The following DLG2 variants were observed in gnomAD, a reference collection of about 807,000 sequenced individuals.
DLG2 encodes discs large MAGUK scaffold protein 2, also known as disks large homolog 2.
A neutral mutation model predicts 132.5 loss-of-function variants in DLG2; 45 were observed. The ratio of observed to expected loss-of-function variants is 0.34; its 90% CI spans 0.27 to 0.44. The LOEUF is 0.44. Among genes scored for constraint, DLG2 ranks in the 20% least tolerant of loss-of-function variants. The pLI is 1.00. For synonymous variants in DLG2, 424 were observed against 419.6 expected, an observed-to-expected ratio of 1.01 and a Z score of -0.13; for missense variants, 1,045 against 1,196.9, an observed-to-expected ratio of 0.87 and a Z score of 1.87.
At chr11:85,568,368 A>G (rs910960505) in intron 3 of DLG2, among the ~76,000 whole-genome samples, 1 of 152,108 alleles carries the variant, frequency 6.6e-6, no homozygotes, top group Non-Finnish European at 1.5e-5. Flanking sequence ...TGTATTCATA[A>G]GGGATGTTGG....
intron 14 of DLG2, among the ~76,000 whole-genome samples, chr11:83,952,920 GA>G (rs1472054904): frequency 1.3e-5 from 2 of 151,090 alleles, no homozygotes; most frequent in Non-Finnish European, 3.0e-5. Context: ...AACATTGAAA[GA>G]AAAAAATTAA....
chr11:83,594,167 A>T (rs927820402), intron 19 of DLG2, among the ~76,000 whole-genome samples: 1 of 152,324 alleles, frequency 6.6e-6, no homozygotes, highest in African/African-American at 2.4e-5. Context: ...TCAATGGTCT[A>T]TGAGCAAGTG....
At chr11:84,753,182 A>G (rs2066404147) in intron 6 of DLG2, among the ~76,000 whole-genome samples, 1 of 152,242 alleles carries the variant, frequency 6.6e-6, no homozygotes, top group African/African-American at 2.4e-5. Context: ...GTGTGGCTAC[A>G]GCAAGAAAAC....
intron 7 of DLG2, among the ~76,000 whole-genome samples, chr11:84,526,000 C>T (rs953489577): frequency 9.9e-5 from 15 of 152,120 alleles, no homozygotes; most frequent in Admixed American, 2.6e-4. Flanking sequence ...CTAACCTCTC[C>T]AGCTCCAAAA....
rs565594862 is a variant in DLG2 at position 84,752,682 on chromosome 11, A to C, written c.358-217951T>G. ...CGCTGCACCCACTAACGCGTCATCT[A>C]GCATTAGGTATATCTCCCAATGCTA... On this transcript the variant is annotated intron_variant, in intron 6 of 27. Transcript: ENST00000376104. Among the ~76,000 whole-genome samples the C allele has an allele frequency of 2.9e-4, 42 of 144,824 alleles. 3 individuals are homozygous for C. The South Asian group carries it at 9.7e-3, about 33-fold the overall frequency.
intron 7 of DLG2, among the ~76,000 whole-genome samples, chr11:84,264,095 A>G (rs2097581600): frequency 6.6e-6 from 1 of 152,216 alleles, no homozygotes; most frequent in Admixed American, 6.5e-5. Flanking sequence ...AACATGGAGA[A>G]AAATAACAGA....
intron 6 of DLG2, among the ~76,000 whole-genome samples, chr11:85,026,797 A>C (rs1030155031): frequency 6.6e-6 from 1 of 152,130 alleles, no homozygotes; most frequent in African/African-American, 2.4e-5. Flanking sequence ...AGATCATGCC[A>C]CTGCACTCCA....
chr11:84,936,388 T>G (rs1184203893), intron 6 of DLG2, among the ~76,000 whole-genome samples: 10 of 152,138 alleles, frequency 6.6e-5, no homozygotes, highest in Admixed American at 6.6e-4. Context: ...ACAAAAGCCT[T>G]AAACACATAT....
intron 6 of DLG2, among the ~76,000 whole-genome samples, chr11:84,864,006 G>A (rs1193864550): frequency 6.6e-6 from 1 of 152,152 alleles, no homozygotes; most frequent in African/African-American, 2.4e-5. Flanking sequence ...GAAGTTTCAG[G>A]TAATTTTAAT....
chr11:84,662,989 G>A (rs1170153137), intron 6 of DLG2, among the ~76,000 whole-genome samples: 1 of 151,832 alleles, frequency 6.6e-6, no homozygotes, highest in Non-Finnish European at 1.5e-5. Flanking sequence ...AGGTTACAGG[G>A]TAACATCACC....
intron 6 of DLG2, among the ~76,000 whole-genome samples, chr11:84,880,854 C>A (rs922359396): frequency 4.2e-4 from 64 of 152,070 alleles, no homozygotes; most frequent in Non-Finnish European, 6.8e-4. Flanking sequence ...TTGACTTGTA[C>A]TGTGAAATAA....
chr11:83,482,950 C>A (rs773808033), intron 22 of DLG2, among the ~76,000 whole-genome samples: 1 of 152,056 alleles, frequency 6.6e-6, no homozygotes, highest in African/African-American at 2.4e-5. Context: ...AGGTATTAAG[C>A]GGCAGAGCAA....
chr11:84,071,644 C>T (rs904405853), intron 10 of DLG2, among the ~76,000 whole-genome samples: 1 of 152,154 alleles, frequency 6.6e-6, no homozygotes, highest in African/African-American at 2.4e-5. Context: ...CCAGCTTTTT[C>T]CCCTCTATTC....
intron 21 of DLG2, among the ~76,000 whole-genome samples, chr11:83,527,805 A>G (rs2140896013): frequency 6.6e-6 from 1 of 152,266 alleles, no homozygotes; most frequent in South Asian, 2.1e-4. Context: ...CCTTTCTTAA[A>G]TTATAGACTT....
intron 2 of DLG2, among the ~76,000 whole-genome samples, chr11:85,623,599 G>A (rs985613226): frequency 2.6e-5 from 4 of 152,086 alleles, no homozygotes; most frequent in African/African-American, 9.7e-5. Flanking sequence ...CACCGCGCCT[G>A]GCAATAGGAC....
intron 6 of DLG2, among the ~76,000 whole-genome samples, chr11:84,664,429 A>G (rs1157513768): frequency 6.6e-6 from 1 of 152,230 alleles, no homozygotes; most frequent in Non-Finnish European, 1.5e-5. Flanking sequence ...ACTTATAATT[A>G]ACAGAAGACT....
chr11:84,624,633 T>C (rs2099619126), intron 6 of DLG2, among the ~76,000 whole-genome samples: 1 of 151,630 alleles, frequency 6.6e-6, no homozygotes, highest in Non-Finnish European at 1.5e-5. Context: ...TCCCATTTAA[T>C]AGAGACAGAA....
At chr11:85,610,386 A>T (rs1052510199) in intron 2 of DLG2, among the ~76,000 whole-genome samples, 2 of 152,170 alleles carry the variant, frequency 1.3e-5, no homozygotes, top group Admixed American at 6.5e-5. Flanking sequence ...GCTCTCTCAA[A>T]TATCAGAGGA....
chr11:84,257,679 A>ATTTTTTTTTTTTTTT (rs1172548999), intron 7 of DLG2, among the ~76,000 whole-genome samples: 1 of 105,916 alleles, frequency 9.4e-6, no homozygotes, highest in Non-Finnish European at 1.9e-5. Flanking sequence ...TTATCTCTGG[A>ATTTTTTTTTTTTTTT]TTTTTTTTTT....
Sources: gnomAD v4.1 joint callset for allele counts (sites outside exome capture counted in the v4.1 genomes callset) on GRCh38, gnomAD v4.1.1 for gene constraint, MANE v1.5 for transcripts, NCBI Gene and HGNC (gene_info 2026-07-23, HGNC 2026-07-21) for gene names.